The following MEP1B variants were observed in gnomAD, a reference collection of about 807,000 sequenced individuals.
MEP1B encodes meprin A subunit beta.
A neutral mutation model predicts 84.6 loss-of-function variants in MEP1B; 80 were observed. That is an observed-to-expected ratio of 0.95 (90% CI 0.79 to 1.14). The LOEUF (loss-of-function observed/expected upper bound fraction) is 1.14. Ranked by LOEUF, MEP1B falls within the 50% of genes most tolerant of loss-of-function variation. MEP1B has a pLI of 0.00. For synonymous variants in MEP1B, 273 were observed against 288.1 expected (o/e 0.95, Z 0.53); for missense variants, 766 against 855.1 (o/e 0.90, Z 1.30).
chr18:32,210,601 C>T lies in MEP1B; in HGVS notation c.1020C>T (p.Cys340=). The stretch of plus-strand genomic sequence containing the variant: ...TGTACCCTAAAAGAGGATTTCAGTG[C>T]CTGCAATTTTACTTATATAACAGTG... ...RTLYPKRGFQ[C]LQFYLYNSGS... The change falls in exon 10 of 15, where the codon TGC becomes TGT. Residue 340 remains cysteine (C), a synonymous_variant. Transcript: ENST00000269202. 3 of 1,613,954 alleles carry T rather than the reference C, an allele frequency of 1.9e-6. No homozygotes were observed. Among genetic ancestry groups the T allele is most frequent in the Non-Finnish European group, 2.5e-6 (3 of 1,179,836 alleles).
chr18:32,196,481 C>T lies in MEP1B; in HGVS notation c.250+996C>T. On this transcript the variant is annotated intron_variant, in intron 5 of 14. Transcript: ENST00000269202. The surrounding 1 kb of genome is among the most constrained non-coding windows in gnomAD (Gnocchi z 4.4). ...CTGGTGCTGCAGGGCCGACCGGAAA[C>T]TCAGCTTTGCTCTCATAGACCGAGG... The T allele has an allele frequency of 1.4e-6, 1 of 695,034 alleles. No individual in the cohort carries two copies. The highest frequency in any genetic ancestry group is 2.7e-6 in the Non-Finnish European group (1 of 377,054). 43.1% of individuals were successfully genotyped at this position (695,034 alleles called of 1,614,324 possible). A position where few individuals can be genotyped will look rare whatever the true frequency, so the allele number is the denominator to read the frequency against.
At chr18:32,219,885 T>C (rs530489381) in intron 14 of MEP1B, among the ~76,000 whole-genome samples, 6 of 152,222 alleles carry the variant, frequency 3.9e-5, no homozygotes, top group Non-Finnish European at 7.4e-5. Context: ...AACACATTCC[T>C]AAGGACAAGG....
chr18:32,198,126 A>G (rs1235553744), intron 5 of MEP1B, among the ~76,000 whole-genome samples: 1 of 152,222 alleles, frequency 6.6e-6, no homozygotes, highest in Non-Finnish European at 1.5e-5. Flanking sequence ...TTGGAGGGGC[A>G]GTAAACTCAA....
intron 11 of MEP1B, 66 bp downstream of exon 11, chr18:32,213,625 G>A: frequency 2.0e-5 from 25 of 1,260,772 alleles, no homozygotes; most frequent in Non-Finnish European, 2.8e-5. Flanking sequence ...GATAATTTTG[G>A]GAATGAGGGA....
At position 32,196,095 on chromosome 18, in the gene MEP1B, C is replaced by T. The variant is rs1187556026; in HGVS notation, c.250+610C>T. The stretch of plus-strand genomic sequence containing the variant: ...GGGAACCCAGGTCCTCTGGTGCCCC[C>T]GCTGGCTCGGGCTCGGTGGCCTTGG... On this transcript the variant is annotated intron_variant, in intron 5 of 14. Coordinates refer to ENST00000269202, the MANE Select transcript of MEP1B (RefSeq NM_005925.3). The surrounding 1 kb of genome is among the most constrained non-coding windows in gnomAD (Gnocchi z 4.4). 4.2e-5 allele frequency: 20 copies of T among 474,692 alleles called. No homozygotes were observed. Among genetic ancestry groups the T allele is most frequent in the Admixed American group, 6.6e-5 (2 of 30,402 alleles). The allele number at this position is 474,692 out of a possible 1,614,324, so 29.4% of individuals were successfully genotyped here.
intron 12 of MEP1B, 114 bp from the exon 13 acceptor site, chr18:32,216,877 A>T (rs1397256786): frequency 7.7e-7 from 1 of 1,304,174 alleles, no homozygotes; most frequent in Admixed American, 2.7e-5. Context: ...CTAAAAAAAA[A>T]AAAGAAAGAA....
chr18:32,200,991 A>G (rs1199026483), intron 5 of MEP1B, among the ~76,000 whole-genome samples: 1 of 152,168 alleles, frequency 6.6e-6, no homozygotes, highest in Non-Finnish European at 1.5e-5. Context: ...TTCTGCATCT[A>G]TAACGCAAGG....
intron 5 of MEP1B, among the ~76,000 whole-genome samples, chr18:32,197,270 T>G (rs148758732): frequency 9.8e-5 from 15 of 152,308 alleles, no homozygotes; most frequent in Admixed American, 9.1e-4. Context: ...ACTCTAAACA[T>G]GGTCTTCATT....
intron 7 of MEP1B, among the ~76,000 whole-genome samples, chr18:32,206,126 C>T (rs372074911): frequency 2.0e-4 from 31 of 151,836 alleles, no homozygotes; most frequent in Non-Finnish European, 4.1e-4. Flanking sequence ...GGATTATAGG[C>T]GCCCGCCACC....
intron 5 of MEP1B, among the ~76,000 whole-genome samples, chr18:32,199,664 G>GTTCA (rs1274003921): frequency 1.1e-5 from 1 of 91,098 alleles, no homozygotes; most frequent in Admixed American, 1.0e-4. Context: ...TTTTCCTTTC[G>GTTCA]TTCGTTCCTT....
chr18:32,215,969 CATATATATATATAT>C (rs10522884), intron 12 of MEP1B, among the ~76,000 whole-genome samples: 2,281 of 134,630 alleles, frequency 0.017, 32 homozygotes, highest in African/African-American at 0.037. Context: ...TACATATATG[CATATATATATATAT>C]ATATATATAT....
At position 32,196,324 on chromosome 18, in the gene MEP1B, A is replaced by T; in HGVS notation, c.250+839A>T. ...GTTGTTGCTGGAGCCGTTGCGGTAG[A>T]TCTCATGCATGGCGCGCCGCAGGGC... On this transcript the variant is annotated intron_variant, in intron 5 of 14. Coordinates refer to ENST00000269202, the MANE Select transcript of MEP1B (RefSeq NM_005925.3). This position sits in a 1 kb window ranked among gnomAD's most constrained non-coding sequence, Gnocchi z 4.4. 1.4e-6 allele frequency: 1 copy of T among 704,284 alleles called. No homozygotes were observed. 43.6% of individuals were successfully genotyped at this position (704,284 alleles called of 1,614,324 possible).
Position 32,190,113 on chromosome 18 carries a change from C to G in MEP1B, c.43C>G (p.Leu15Val). Residue 15 changes from leucine (L) to valine (V), a missense_variant, in exon 1 of 15, where the codon CTT (leucine) becomes GTT (valine). Leu to Val is a conservative substitution (Grantham distance 32). Coordinates refer to ENST00000269202, the MANE Select transcript of MEP1B (RefSeq NM_005925.3). ...NLSWFLFLDA[L>V]LVISGLATPE... ...GTCTTGGTTTCTGTTCTTGGATGCT[C>G]TTCTCGTGATTTCTGGCTTGGTAAG... The G allele has an allele frequency of 6.2e-7, 1 of 1,613,310 alleles. No individual in the cohort carries two copies. The highest frequency in any genetic ancestry group is 8.5e-7 in the Non-Finnish European group (1 of 1,179,592).
intron 14 of MEP1B, 128 bp from the exon 15 acceptor site, chr18:32,220,103 C>A: frequency 1.2e-6 from 1 of 810,060 alleles, no homozygotes. Flanking sequence ...CCATTGCCAG[C>A]TAGGAGGGAG....
chr18:32,215,882 A>C (rs9797409), intron 12 of MEP1B, among the ~76,000 whole-genome samples: 1 of 151,808 alleles, frequency 6.6e-6, no homozygotes. Flanking sequence ...TCCTGAAATA[A>C]AAATATCACA....
intron 1 of MEP1B, among the ~76,000 whole-genome samples, chr18:32,191,029 T>C (rs2040797303): frequency 6.6e-6 from 1 of 152,140 alleles, no homozygotes; most frequent in South Asian, 2.1e-4. Flanking sequence ...TCACATTATA[T>C]ACTGTAACCC....
At position 32,213,295 on chromosome 18, in the gene MEP1B, C is replaced by T. The variant is rs377012654; in HGVS notation, c.1315C>T (p.Gln439Ter). Residue 439 changes from glutamine (Q) to a stop codon, truncating the protein, a stop_gained, in exon 11 of 15, where the codon CAG becomes TAG. Transcript: ENST00000269202. LOFTEE classifies it high-confidence loss of function. ...HHIWHIRNFT[Q>*]FIGSPNGTLY... ...TATCTGGCATATAAGGAATTTCACACAGTTCATTGGCAGCCCAAATGGAAC... is the reference window on the plus strand; with the variant it reads ...TATCTGGCATATAAGGAATTTCACATAGTTCATTGGCAGCCCAAATGGAAC... The T allele has an allele frequency of 6.2e-7, 1 of 1,613,992 alleles. No homozygotes were observed. The highest frequency in any genetic ancestry group is 8.5e-7 in the Non-Finnish European group (1 of 1,179,876).
chr18:32,190,176 C>A (rs2040788255), intron 1 of MEP1B, 43 bp downstream of exon 1: 2 of 1,406,310 alleles, frequency 1.4e-6, no homozygotes, highest in Non-Finnish European at 2.0e-6. Flanking sequence ...AATTTTGGGG[C>A]AGTTGATATT....
In MEP1B at chr18:32,190,150, T is replaced by A. The variant is rs369095143; in HGVS notation, c.63+17T>A. The A allele has an allele frequency of 6.9e-6, 11 of 1,599,216 alleles. No homozygotes were observed. The African/African-American group carries it at 1.5e-4, about 21-fold the overall frequency. ...TCTGGCTTGGTAAGGAAACAGTATA[T>A]AGAAGATAATTTAAAAATTTTGGGG... On this transcript the variant is annotated intron_variant, in intron 1 of 14. Coordinates refer to ENST00000269202, the MANE Select transcript of MEP1B (RefSeq NM_005925.3).
Sources: allele counts gnomAD v4.1 joint callset (sites outside exome capture counted in the v4.1 genomes callset), GRCh38; gene constraint gnomAD v4.1.1; non-coding constraint Gnocchi (gnomAD v3.1); transcripts MANE v1.5; gene names NCBI Gene and HGNC (gene_info 2026-07-23, HGNC 2026-07-21).